PTPRG: variants seen among roughly 807,000 people sequenced by gnomAD.
PTPRG encodes protein tyrosine phosphatase receptor type G, also known as receptor-type tyrosine-protein phosphatase gamma.
PTPRG carries 102 observed loss-of-function variants against 165.3 expected under a neutral mutation model. The ratio of observed to expected loss-of-function variants is 0.62; its 90% CI spans 0.53 to 0.73. The LOEUF is 0.73. Among genes scored for constraint, PTPRG ranks in the 30% least tolerant of loss-of-function variants. The pLI is 0.00. For synonymous variants in PTPRG, 675 were observed against 669.5 expected, an observed-to-expected ratio of 1.01 and a Z score of -0.13; for missense variants, 1,866 against 1,861.4, an observed-to-expected ratio of 1.00 and a Z score of -0.05.
At chr3:61,986,641 T>C (rs1242922809) in intron 2 of PTPRG, among the ~76,000 whole-genome samples, 1 of 152,178 alleles carries the variant, frequency 6.6e-6, no homozygotes, top group Non-Finnish European at 1.5e-5. Context: ...AATTGCCCTG[T>C]GTTTTCTACC....
chr3:61,631,058 A>G (rs11716437), intron 1 of PTPRG, among the ~76,000 whole-genome samples: 2,625 of 152,270 alleles, frequency 0.017, 32 homozygotes, highest in Non-Finnish European at 0.026. Flanking sequence ...GCTGTCTCAA[A>G]AAAAAGAAAA....
chr3:61,588,174 T>C (rs1401755695), intron 1 of PTPRG, among the ~76,000 whole-genome samples: 1 of 152,116 alleles, frequency 6.6e-6, no homozygotes, highest in Non-Finnish European at 1.5e-5. Flanking sequence ...CAGGTTATTA[T>C]TTGCTTTTTA....
At position 62,214,364 on chromosome 3, in the gene PTPRG, T is replaced by C. The variant is rs181319931; in HGVS notation, c.2156-4487T>C. ...GTGGTGGTGATGACAATAATCACAA[T>C]AGTTAACATTAACCAGGTGCCAGGC... On this transcript the variant is annotated intron_variant, in intron 12 of 29. Transcript: ENST00000474889. The surrounding 1 kb of genome is among the most constrained non-coding windows in gnomAD (Gnocchi z 5.2). 2.0e-5 allele frequency among the ~76,000 whole-genome samples: 3 copies of C among 152,344 alleles called. No individual in the cohort carries two copies. The highest frequency in any genetic ancestry group is 6.5e-5 in the Admixed American group (1 of 15,314).
At chr3:61,780,788 A>G (rs1006445463) in intron 2 of PTPRG, among the ~76,000 whole-genome samples, 2 of 152,238 alleles carry the variant, frequency 1.3e-5, no homozygotes, top group Non-Finnish European at 2.9e-5. Flanking sequence ...CTTAATTCTT[A>G]GGCACTCCTG....
chr3:61,623,176 G>T (rs1559528414), intron 1 of PTPRG, among the ~76,000 whole-genome samples: 1 of 152,148 alleles, frequency 6.6e-6, no homozygotes. Flanking sequence ...TCTAAGAATC[G>T]TAAGATACCA....
chr3:62,044,056 T>C (rs751762627), intron 4 of PTPRG, among the ~76,000 whole-genome samples: 2 of 152,228 alleles, frequency 1.3e-5, no homozygotes, highest in Non-Finnish European at 2.9e-5. Context: ...TTTGGAGCCA[T>C]GAACACTCTC....
chr3:62,179,582 T>C (rs541625401), intron 8 of PTPRG, among the ~76,000 whole-genome samples: 1 of 152,328 alleles, frequency 6.6e-6, no homozygotes, highest in South Asian at 2.1e-4. Flanking sequence ...CACCAGCTGC[T>C]CTTCAGAGCG....
At chr3:62,051,061 A>G (rs190463022) in intron 4 of PTPRG, among the ~76,000 whole-genome samples, 1 of 152,360 alleles carries the variant, frequency 6.6e-6, no homozygotes, top group African/African-American at 2.4e-5. Context: ...GGTCAAGTCA[A>G]CAGGTGTCTC....
chr3:62,183,523 C>T (rs1047197519), intron 8 of PTPRG, among the ~76,000 whole-genome samples: 1 of 150,254 alleles, frequency 6.7e-6, no homozygotes, highest in Non-Finnish European at 1.5e-5. Context: ...AAGATTACAC[C>T]ACTGCACTCC....
intron 8 of PTPRG, among the ~76,000 whole-genome samples, chr3:62,186,652 C>T (rs1361693195): frequency 6.7e-6 from 1 of 149,852 alleles, no homozygotes; most frequent in East Asian, 2.0e-4. Flanking sequence ...CGGCAACCTT[C>T]ACTTCTTGGG....
intron 4 of PTPRG, among the ~76,000 whole-genome samples, chr3:62,038,238 G>C (rs1305081206): frequency 2.0e-5 from 3 of 152,054 alleles, no homozygotes; most frequent in Non-Finnish European, 4.4e-5. Context: ...TGTTCTTTTT[G>C]TTTGCACAAT....
intron 5 of PTPRG, among the ~76,000 whole-genome samples, chr3:62,107,519 A>T (rs1044699852): frequency 2.0e-5 from 3 of 152,232 alleles, no homozygotes; most frequent in Non-Finnish European, 4.4e-5. Context: ...TCTGCTATAA[A>T]TACCAGTGTA....
chr3:61,707,049 A>T (rs551913555), intron 1 of PTPRG, among the ~76,000 whole-genome samples: 1 of 152,280 alleles, frequency 6.6e-6, no homozygotes, highest in Non-Finnish European at 1.5e-5. Context: ...AAGTCTATAC[A>T]GGTCATTCCA....
At chr3:62,179,744 T>C (rs1576102108) in intron 8 of PTPRG, among the ~76,000 whole-genome samples, 1 of 152,372 alleles carries the variant, frequency 6.6e-6, no homozygotes, top group East Asian at 1.9e-4. Flanking sequence ...GTTTCCTTCT[T>C]GGGTCCCTTT....
chr3:62,281,065 T>C (rs1702414198), intron 26 of PTPRG, among the ~76,000 whole-genome samples: 1 of 152,070 alleles, frequency 6.6e-6, no homozygotes. Flanking sequence ...CTAATTATAG[T>C]AACCTTTTTA....
chr3:61,792,627 C>T (rs980390491), intron 2 of PTPRG, among the ~76,000 whole-genome samples: 2 of 152,112 alleles, frequency 1.3e-5, no homozygotes, highest in Non-Finnish European at 2.9e-5. Flanking sequence ...TCACATTTTT[C>T]TTAGTTCTGT....
At chr3:62,239,578 C>A (rs1701112671) in intron 14 of PTPRG, among the ~76,000 whole-genome samples, 1 of 151,940 alleles carries the variant, frequency 6.6e-6, no homozygotes, top group Admixed American at 6.6e-5. Flanking sequence ...CCATCTTGGC[C>A]AGGCTGGTCT....
chr3:62,216,722 C>T (rs1375780179), intron 12 of PTPRG, among the ~76,000 whole-genome samples: 1 of 152,172 alleles, frequency 6.6e-6, no homozygotes, highest in Non-Finnish European at 1.5e-5. Context: ...TAAAACCCTG[C>T]AGTAGTTTCT....
intron 2 of PTPRG, among the ~76,000 whole-genome samples, chr3:61,929,335 A>C (rs1269386105): frequency 6.8e-6 from 1 of 146,314 alleles, no homozygotes; most frequent in Non-Finnish European, 1.5e-5. Flanking sequence ...AATTATGTTT[A>C]AATTTGAAAA....
Sources: gnomAD v4.1 joint callset for allele counts (sites outside exome capture counted in the v4.1 genomes callset) on GRCh38, gnomAD v4.1.1 for gene constraint, Gnocchi (gnomAD v3.1) non-coding constraint, MANE v1.5 for transcripts, NCBI Gene and HGNC (gene_info 2026-07-23, HGNC 2026-07-21) for gene names.